The following PRDM15 variants were observed in gnomAD, a reference collection of about 807,000 sequenced individuals.
PRDM15 encodes the protein PR domain zinc finger protein 15.
In PRDM15, 64 loss-of-function variants were observed where a neutral mutation model predicts 128.6. That is an observed-to-expected ratio of 0.50 (90% CI 0.41 to 0.61). The LOEUF (loss-of-function observed/expected upper bound fraction) is 0.61, where lower values mean the gene tolerates loss of function less well. Ranked by LOEUF, PRDM15 falls within the 20% of genes least tolerant of loss-of-function variation. PRDM15 has a pLI of 0.00. For missense variants in PRDM15, 1,242 were observed against 1,569.1 expected (o/e 0.79, Z 3.52); for synonymous variants, 615 against 621.8 (o/e 0.99, Z 0.16).
chr21:41,834,615 G>T (rs979410007), intron 11 of PRDM15: 60 of 1,457,122 alleles, frequency 4.1e-5, no homozygotes, highest in Non-Finnish European at 5.3e-5. Context: ...TCTGTGCCCC[G>T]CTGGGGACCC....
At chr21:41,878,635 C>T in intron 1 of PRDM15, 1 of 1,071,010 alleles carries the variant, frequency 9.3e-7, no homozygotes. Context: ...TCGCTACCTT[C>T]TCTCTGCCAC....
chr21:41,810,358 G>T lies in PRDM15; in HGVS notation c.2477-29C>A, dbSNP rs773966140. The stretch of plus-strand genomic sequence containing the variant: ...TTCACACACACGCAGACACACATGC[G>T]CGTGGAAAGGAAGAGACACGCAGGT... On this transcript the variant is annotated intron_variant, in intron 20 of 23. Transcript: ENST00000398548. The surrounding 1 kb of genome is among the most constrained non-coding windows in gnomAD (Gnocchi z 6.4). The T allele has an allele frequency of 6.3e-7, 1 of 1,596,500 alleles. No individual in the cohort carries two copies. The highest frequency in any genetic ancestry group is 1.7e-5 in the Admixed American group (1 of 59,376).
At chr21:41,861,628 T>C (rs745523567) in intron 1 of PRDM15, 9 of 1,613,982 alleles carry the variant, frequency 5.6e-6, no homozygotes, top group Non-Finnish European at 7.6e-6. Context: ...AAAGTGTGCA[T>C]GCTGGCACTT....
intron 8 of PRDM15, among the ~76,000 whole-genome samples, chr21:41,837,588 G>A (rs898059417): frequency 6.6e-6 from 1 of 152,126 alleles, no homozygotes; most frequent in Admixed American, 6.6e-5. Flanking sequence ...TTGGGAAGAC[G>A]GGAAAGTTCC....
chr21:41,861,893 C>T, intron 1 of PRDM15: 2 of 1,604,630 alleles, frequency 1.2e-6, no homozygotes, highest in South Asian at 2.2e-5. Flanking sequence ...TCTCCCAAAA[C>T]AGCACTGTAT....
intron 6 of PRDM15, among the ~76,000 whole-genome samples, chr21:41,846,606 A>C (rs1028906300): frequency 3.9e-5 from 6 of 152,340 alleles, no homozygotes; most frequent in African/African-American, 1.4e-4. Flanking sequence ...CTGAGGTGGG[A>C]GGATCGCTTG....
intron 18 of PRDM15, among the ~76,000 whole-genome samples, chr21:41,817,728 T>A (rs956446993): frequency 6.6e-6 from 1 of 151,860 alleles, no homozygotes; most frequent in Admixed American, 6.6e-5. Context: ...TAGCAAAGTA[T>A]CAAAAAAACA....
chr21:41,849,527 C>T (rs939574954), intron 5 of PRDM15, among the ~76,000 whole-genome samples: 5 of 151,588 alleles, frequency 3.3e-5, no homozygotes, highest in African/African-American at 9.7e-5. Flanking sequence ...AAGATCACAC[C>T]ACTGCACTCC....
At chr21:41,808,410 C>T (rs1218431710) in intron 21 of PRDM15, among the ~76,000 whole-genome samples, 4 of 152,196 alleles carry the variant, frequency 2.6e-5, no homozygotes, top group Admixed American at 2.0e-4. Flanking sequence ...AGGTTGAGTC[C>T]CTGCATCTCC....
intron 5 of PRDM15, among the ~76,000 whole-genome samples, chr21:41,850,872 G>A (rs574764061): frequency 4.0e-4 from 61 of 152,224 alleles, no homozygotes; most frequent in African/African-American, 1.3e-3. Flanking sequence ...AGAAGACGGC[G>A]CCACTGATCT....
intron 13 of PRDM15, among the ~76,000 whole-genome samples, chr21:41,824,954 C>T (rs73357715): frequency 6.6e-6 from 1 of 152,264 alleles, no homozygotes; most frequent in Non-Finnish European, 1.5e-5. Flanking sequence ...CCTGTGCTCC[C>T]AGCTGCTGAA....
Position 41,879,145 on chromosome 21 carries a change from C to T in PRDM15, c.-10+125G>A, listed in dbSNP as rs1193497834. 1 of 940,920 alleles carries T rather than the reference C, an allele frequency of 1.1e-6. No individual in the cohort carries two copies. The highest frequency in any genetic ancestry group is 1.3e-6 in the Non-Finnish European group (1 of 783,786). The allele number at this position is 940,920 out of a possible 1,614,324, so 58.3% of individuals were successfully genotyped here. On this transcript the variant is annotated intron_variant, in intron 1 of 23. Coordinates refer to ENST00000398548, the MANE Select transcript of PRDM15 (RefSeq NM_001040424.3). This position sits in a 1 kb window ranked among gnomAD's most constrained non-coding sequence, Gnocchi z 5.1. ...CTGGACCGGGGCGGCGCGCGGCTGCCGGGCGCGGGGGGCGGGGGGCAGCGG... is the reference window on the plus strand; with the variant it reads ...CTGGACCGGGGCGGCGCGCGGCTGCTGGGCGCGGGGGGCGGGGGGCAGCGG...
intron 22 of PRDM15, chr21:41,803,183 C>T: frequency 3.9e-6 from 2 of 514,442 alleles, no homozygotes; most frequent in Middle Eastern, 5.3e-4. Context: ...AATGTAAACA[C>T]TTCTTAGAAA....
intron 11 of PRDM15, chr21:41,834,590 A>ACAGTGACT: frequency 2.0e-6 from 3 of 1,536,576 alleles, no homozygotes; most frequent in Non-Finnish European, 2.6e-6. Flanking sequence ...CACAAAGGCA[A>ACAGTGACT]CAGTGACTCA....
chr21:41,873,236 C>T (rs1350731978), intron 1 of PRDM15, among the ~76,000 whole-genome samples: 3 of 152,206 alleles, frequency 2.0e-5, no homozygotes, highest in Non-Finnish European at 2.9e-5. Flanking sequence ...TTAGTCTACT[C>T]CCCGGATCTG....
chr21:41,860,266 C>G lies in PRDM15; in HGVS notation c.37+61G>C, dbSNP rs541114557. 115 of 1,344,896 alleles carry G rather than the reference C, an allele frequency of 8.6e-5. No individual in the cohort carries two copies. In the East Asian group the frequency reaches 2.5e-3, roughly 29 times the overall value. The allele number at this position is 1,344,896 out of a possible 1,614,324, so 83.3% of individuals were successfully genotyped here. On this transcript the variant is annotated intron_variant, in intron 2 of 23. Transcript: ENST00000398548. The stretch of plus-strand genomic sequence containing the variant: ...TTGCCCAGACAGCAAGCGCCACGCC[C>G]ATCTGTGTTCTATGACATAGGGCTG...
rs570299076 is a variant in PRDM15 at position 41,862,734 on chromosome 21, G to A, written c.-9-2362C>T. ...CATCTTCAAAGTCTTTGCTGTCTTG[G>A]CAAAACTCCCTTTAACACTCAGAAA... is the stretch of plus-strand genomic sequence containing the variant. On this transcript the variant is annotated intron_variant, in intron 1 of 23. Transcript: ENST00000398548. The surrounding 1 kb of genome is among the most constrained non-coding windows in gnomAD (Gnocchi z 4.1). Among the ~76,000 whole-genome samples the A allele has an allele frequency of 5.3e-5, 8 of 152,238 alleles. No individual in the cohort carries two copies. The highest frequency in any genetic ancestry group is 1.9e-4 in the African/African-American group (8 of 41,522).
intron 9 of PRDM15, 101 bp downstream of exon 9, chr21:41,836,367 G>A (rs558561970): frequency 9.5e-6 from 13 of 1,362,268 alleles, no homozygotes; most frequent in African/African-American, 4.3e-5. Flanking sequence ...GGCGCAGCTC[G>A]TGGGAGACGA....
chr21:41,842,696 G>A (rs2146652287), intron 6 of PRDM15, among the ~76,000 whole-genome samples: 1 of 152,010 alleles, frequency 6.6e-6, no homozygotes, highest in Non-Finnish European at 1.5e-5. Context: ...TCACCATGTT[G>A]GCCAGGATGG....
Sources: allele counts gnomAD v4.1 joint callset (sites outside exome capture counted in the v4.1 genomes callset), GRCh38; gene constraint gnomAD v4.1.1; non-coding constraint Gnocchi (gnomAD v3.1); transcripts MANE v1.5; gene names NCBI Gene and HGNC (gene_info 2026-07-23, HGNC 2026-07-21).